The following DCP1B variants were observed in gnomAD, a reference collection of about 807,000 sequenced individuals.
The protein encoded by DCP1B is mRNA-decapping enzyme 1B.
Under a neutral mutation model 60.5 loss-of-function variants are expected in DCP1B, and 47 were observed. That is an observed-to-expected ratio of 0.78 (90% confidence interval 0.61 to 0.99). The LOEUF is 0.99. DCP1B is among the 50% of genes least tolerant of loss of function. The pLI, the probability that DCP1B is intolerant of heterozygous loss-of-function variation, is 0.00. For synonymous variants in DCP1B, 267 were observed against 280.3 expected (o/e 0.95, Z 0.47); for missense variants, 725 against 756.8 (o/e 0.96, Z 0.49).
chr12:1,977,470 C>A (rs567851237), intron 3 of DCP1B, among the ~76,000 whole-genome samples: 1 of 152,326 alleles, frequency 6.6e-6, no homozygotes, highest in Admixed American at 6.5e-5. Flanking sequence ...AGATGCCACA[C>A]AAAATCATCA....
intron 3 of DCP1B, among the ~76,000 whole-genome samples, chr12:1,990,266 G>GT (rs2039018774): frequency 6.6e-6 from 1 of 152,166 alleles, no homozygotes; most frequent in Non-Finnish European, 1.5e-5. Context: ...GACAGTAAAT[G>GT]TTTGTTGAAT....
chr12:1,986,877 G>A (rs2037940634), intron 3 of DCP1B, among the ~76,000 whole-genome samples: 1 of 152,154 alleles, frequency 6.6e-6, no homozygotes, highest in Non-Finnish European at 1.5e-5. Flanking sequence ...TGTAAACAGT[G>A]GGAGAGATAT....
chr12:1,972,826 GAGGA>G (rs2032909301), intron 3 of DCP1B, among the ~76,000 whole-genome samples: 1 of 152,104 alleles, frequency 6.6e-6, no homozygotes. Context: ...GGAGATCAGT[GAGGA>G]AGGGAGGGAG....
At chr12:1,973,334 G>A (rs2154459176) in intron 3 of DCP1B, among the ~76,000 whole-genome samples, 1 of 152,114 alleles carries the variant, frequency 6.6e-6, no homozygotes, top group South Asian at 2.1e-4. Context: ...TGAACATTTT[G>A]GGGGAAACAG....
At chr12:1,979,198 G>A (rs370168996) in intron 3 of DCP1B, among the ~76,000 whole-genome samples, 2 of 152,204 alleles carry the variant, frequency 1.3e-5, no homozygotes, top group East Asian at 3.8e-4. Context: ...ATTTTTAGTA[G>A]AGATGGGGTT....
At chr12:1,995,865 ACCATCT>A (rs1475211818) in intron 2 of DCP1B, among the ~76,000 whole-genome samples, 4 of 152,030 alleles carry the variant, frequency 2.6e-5, no homozygotes, top group Non-Finnish European at 5.9e-5. Flanking sequence ...ACAACTCTAA[ACCATCT>A]CCAGCCCTGC....
At chr12:2,000,177 A>T (rs2041865407) in intron 1 of DCP1B, among the ~76,000 whole-genome samples, 1 of 152,228 alleles carries the variant, frequency 6.6e-6, no homozygotes, top group Non-Finnish European at 1.5e-5. Context: ...TCACAAGTCC[A>T]CAAAGCATTT....
At chr12:1,944,966 T>C (rs561605874), downstream of DCP1B, among the ~76,000 whole-genome samples, 1 of 152,100 alleles carries the variant, frequency 6.6e-6, no homozygotes, top group Admixed American at 6.5e-5. Context: ...TTTCTGCACA[T>C]CAAAAGAAAC....
chr12:1,993,937 G>C (rs1285998958), intron 2 of DCP1B, among the ~76,000 whole-genome samples: 2 of 152,136 alleles, frequency 1.3e-5, no homozygotes, highest in Non-Finnish European at 2.9e-5. Flanking sequence ...GACACAGCCT[G>C]AACTAGAAGT....
rs557897402 is a variant in DCP1B at position 1,995,947 on chromosome 12, A to G, written c.191+1988T>C. On this transcript the variant is annotated intron_variant, in intron 2 of 8. Transcript: ENST00000280665. The stretch of plus-strand genomic sequence containing the variant: ...GCTACCAGTTCCAAATCATTACTTC[A>G]AAGTAAAATGAGGGCTGATCCTCAA... Among the ~76,000 whole-genome samples, 12 of 152,284 alleles carry G rather than the reference A, an allele frequency of 7.9e-5. No homozygotes were observed. In the East Asian group the frequency reaches 2.3e-3, roughly 29 times the overall value.
At position 1,971,100 on chromosome 12, in the gene DCP1B, A is replaced by G; in HGVS notation, c.320-3190T>C. 1 of 1,289,606 alleles carries G rather than the reference A, an allele frequency of 7.8e-7. No homozygotes were observed. The highest frequency in any genetic ancestry group is 1.2e-5 in the South Asian group (1 of 81,024). The allele number at this position is 1,289,606 out of a possible 1,614,324, so 79.9% of individuals were successfully genotyped here. Reference sequence around the variant, plus strand: ...TTTGTTCAGCCTGGTACGCCTGCATACCAGCCGCTTCCCAGCCACCTGTCT... The same window carrying G: ...TTTGTTCAGCCTGGTACGCCTGCATGCCAGCCGCTTCCCAGCCACCTGTCT... On this transcript the variant is annotated intron_variant, in intron 3 of 8. Transcript: ENST00000280665. The surrounding 1 kb of genome is among the most constrained non-coding windows in gnomAD (Gnocchi z 4.2).
chr12:1,958,829 G>C (rs1293797870), intron 5 of DCP1B, among the ~76,000 whole-genome samples: 1 of 91,372 alleles, frequency 1.1e-5, no homozygotes, highest in Non-Finnish European at 2.1e-5. Flanking sequence ...GAAGGAAACA[G>C]GGGAAAAGCT....
intron 3 of DCP1B, among the ~76,000 whole-genome samples, chr12:1,969,854 G>A (rs1454263594): frequency 6.6e-6 from 1 of 152,116 alleles, no homozygotes; most frequent in Non-Finnish European, 1.5e-5. Context: ...ACAAAACTAG[G>A]AGCCTGGCCT....
intron 3 of DCP1B, among the ~76,000 whole-genome samples, chr12:1,974,047 T>C (rs528681728): frequency 6.6e-6 from 1 of 152,308 alleles, no homozygotes; most frequent in Admixed American, 6.5e-5. Context: ...ATCTGTTCCC[T>C]CCACTAGACT....
intron 3 of DCP1B, among the ~76,000 whole-genome samples, chr12:1,976,284 C>G (rs759108930): frequency 6.6e-6 from 1 of 152,174 alleles, no homozygotes; most frequent in East Asian, 1.9e-4. Context: ...ATAAATAGAT[C>G]AATTTTTCAG....
In DCP1B at chr12:1,975,474, T is replaced by A. The variant is rs1180093585; in HGVS notation, c.320-7564A>T. ...AAGAATACACATTATATAGCCATAA[T>A]GACCACTTACTATAGATAAAGGGTA... On this transcript the variant is annotated intron_variant, in intron 3 of 8. Coordinates refer to ENST00000280665, the MANE Select transcript of DCP1B (RefSeq NM_152640.5). 2.6e-5 allele frequency among the ~76,000 whole-genome samples: 4 copies of A among 152,176 alleles called. No individual in the cohort carries two copies. The East Asian group carries it at 7.7e-4, about 29-fold the overall frequency.
At chr12:1,983,355 C>G (rs1205109775) in intron 3 of DCP1B, among the ~76,000 whole-genome samples, 1 of 151,906 alleles carries the variant, frequency 6.6e-6, no homozygotes, top group Non-Finnish European at 1.5e-5. Flanking sequence ...GAACTTTCTT[C>G]TTTTCCAATA....
chr12:1,994,694 T>C (rs1348394153), intron 2 of DCP1B, among the ~76,000 whole-genome samples: 1 of 152,208 alleles, frequency 6.6e-6, no homozygotes, highest in African/African-American at 2.4e-5. Flanking sequence ...ATTTTTTAAA[T>C]GGGATTAAGT....
At chr12:1,972,927 G>GCGTCA (rs2032974139) in intron 3 of DCP1B, among the ~76,000 whole-genome samples, 2 of 152,202 alleles carry the variant, frequency 1.3e-5, no homozygotes, top group South Asian at 2.1e-4. Context: ...AAACACTCGA[G>GCGTCA]CAGCAATGAC....
Sources: gnomAD v4.1 joint callset for allele counts (sites outside exome capture counted in the v4.1 genomes callset) on GRCh38, gnomAD v4.1.1 for gene constraint, Gnocchi (gnomAD v3.1) non-coding constraint, MANE v1.5 for transcripts, NCBI Gene and HGNC (gene_info 2026-07-23, HGNC 2026-07-21) for gene names.